GLOD4: variants seen among roughly 807,000 people sequenced by gnomAD.
GLOD4 encodes glyoxalase domain-containing protein 4.
In GLOD4, 44 loss-of-function variants were observed where a neutral mutation model predicts 39.1. The observed-to-expected ratio is 1.13, with a 90% CI of 0.88 to 1.45. The LOEUF (loss-of-function observed/expected upper bound fraction) is 1.45. Ranked by LOEUF, GLOD4 falls within the 40% of genes most tolerant of loss-of-function variation. GLOD4 has a pLI of 0.00. For missense variants in GLOD4, 405 were observed against 366.4 expected, an observed-to-expected ratio of 1.11 and a Z score of -0.86; for synonymous variants, 145 against 135.0, an observed-to-expected ratio of 1.07 and a Z score of -0.52.
At chr17:782,035 G>T in intron 1 of GLOD4, 131 bp downstream of exon 1, 2 of 642,072 alleles carry the variant, frequency 3.1e-6, no homozygotes, top group Non-Finnish European at 2.7e-6. Context: ...GCTGAACACC[G>T]CGCAGGGCCT....
Position 769,843 on chromosome 17 carries a change from G to C in GLOD4, c.831+26C>G, listed in dbSNP as rs143261573. 4,714 of 1,291,000 alleles carry C rather than the reference G, an allele frequency of 3.7e-3. 19 individuals carry two copies. Among genetic ancestry groups the C allele is most frequent in the Middle Eastern group, 0.021 (117 of 5,484 alleles). The allele number at this position is 1,291,000 out of a possible 1,614,324, so 80.0% of individuals were successfully genotyped here. A position where few individuals can be genotyped will look rare whatever the true frequency, so the allele number is the denominator to read the frequency against. ...ATGCCATCCCTCTCAGGCCCATGGT[G>C]ACATAAATGTAGAAATGGGACTCAC... On this transcript the variant is annotated intron_variant, in intron 8 of 8. Coordinates refer to ENST00000301329, the MANE Select transcript of GLOD4 (RefSeq NM_016080.4).
chr17:779,220 C>A (rs1267875115), intron 1 of GLOD4, among the ~76,000 whole-genome samples: 2 of 142,654 alleles, frequency 1.4e-5, no homozygotes, highest in African/African-American at 5.3e-5. Context: ...GAGGTTGAGG[C>A]AGGAGAATCA....
At chr17:767,754 T>G (rs1906916721) in intron 8 of GLOD4, among the ~76,000 whole-genome samples, 1 of 147,728 alleles carries the variant, frequency 6.8e-6, no homozygotes, top group South Asian at 2.2e-4. Context: ...GCACTCAGAT[T>G]TTTAGAAGAA....
chr17:763,793 G>A (rs886259679), intron 8 of GLOD4: 2 of 152,154 alleles, frequency 1.3e-5, no homozygotes, highest in East Asian at 3.8e-4. Flanking sequence ...AGGTTTCCTA[G>A]GTGAAGAGGT....
At chr17:778,588 G>A (rs201897292) in intron 2 of GLOD4, 107 bp downstream of exon 2, 1 of 777,610 alleles carries the variant, frequency 1.3e-6, no homozygotes, top group Non-Finnish European at 2.3e-6. Context: ...CTAATTTACT[G>A]CCTCCTTAAT....
chr17:777,439 C>T (rs924403654), intron 2 of GLOD4: 6 of 160,326 alleles, frequency 3.7e-5, no homozygotes, highest in Admixed American at 2.4e-4. Flanking sequence ...GTCAGGAGTT[C>T]GAGACCAGCC....
At chr17:764,012 T>A (rs562165687) in intron 8 of GLOD4, 1 of 152,362 alleles carries the variant, frequency 6.6e-6, no homozygotes, top group East Asian at 1.9e-4. Context: ...TCTGTCGTAC[T>A]CTCTTCGGTT....
In GLOD4 at chr17:760,153, G is replaced by T. The variant is rs773581521; in HGVS notation, c.*20C>A. The T allele has an allele frequency of 1.4e-6, 2 of 1,476,936 alleles. No individual in the cohort carries two copies. Among genetic ancestry groups the T allele is most frequent in the Non-Finnish European group, 9.5e-7 (1 of 1,054,810 alleles). The allele number at this position is 1,476,936 out of a possible 1,614,324, so 91.5% of individuals were successfully genotyped here. A position where few individuals can be genotyped will look rare whatever the true frequency, so the allele number is the denominator to read the frequency against. On this transcript the variant is annotated 3_prime_UTR_variant, in exon 9 of 9. Coordinates refer to ENST00000301329, the MANE Select transcript of GLOD4 (RefSeq NM_016080.4). ...TGCTGGGCAGGAATCACAGAGGCTT[G>T]CTCTGCATCATGTCTTCCGTTAACC...
At chr17:766,059 G>C (rs1906478643) in intron 8 of GLOD4, among the ~76,000 whole-genome samples, 1 of 152,054 alleles carries the variant, frequency 6.6e-6, no homozygotes, top group Admixed American at 6.6e-5. Context: ...CACTTTGGGA[G>C]GCCAAGATGG....
At chr17:781,546 T>C (rs1355086177) in intron 1 of GLOD4, among the ~76,000 whole-genome samples, 1 of 152,188 alleles carries the variant, frequency 6.6e-6, no homozygotes, top group Non-Finnish European at 1.5e-5. Flanking sequence ...TCTTGCACCT[T>C]TCAAGTCTTC....
intron 1 of GLOD4, among the ~76,000 whole-genome samples, chr17:779,446 A>G (rs1597588943): frequency 6.6e-6 from 1 of 150,964 alleles, no homozygotes; most frequent in Middle Eastern, 3.4e-3. Context: ...CCTAGCCAAC[A>G]CAGTGAAACC....
chr17:776,633 C>T (rs1909013898), intron 3 of GLOD4, among the ~76,000 whole-genome samples: 1 of 152,232 alleles, frequency 6.6e-6, no homozygotes, highest in South Asian at 2.1e-4. Flanking sequence ...TCCAGCCACA[C>T]TGGCTTCCTT....
chr17:760,087 G>T lies in GLOD4; in HGVS notation c.*86C>A. 1.2e-6 allele frequency: 1 copy of T among 805,534 alleles called. No individual in the cohort carries two copies. Among genetic ancestry groups the T allele is most frequent in the South Asian group, 1.4e-5 (1 of 72,430 alleles). The allele number at this position is 805,534 out of a possible 1,614,324, so 49.9% of individuals were successfully genotyped here. A position where few individuals can be genotyped will look rare whatever the true frequency, so the allele number is the denominator to read the frequency against. ...CCTTGCCTGTACGGGAAACAAATCA[G>T]AAGAGCATTTATTGGGAACTGACAC... On this transcript the variant is annotated 3_prime_UTR_variant, in exon 9 of 9. Transcript: ENST00000301329.
chr17:770,206 G>A (rs1161778704), intron 6 of GLOD4, 49 bp from the exon 7 acceptor site: 4 of 996,322 alleles, frequency 4.0e-6, no homozygotes, highest in Admixed American at 1.8e-5. Context: ...CACTACTCAG[G>A]ACACGGCCCT....
chr17:785,654 C>T (rs780302000), upstream of GLOD4, among the ~76,000 whole-genome samples: 3 of 152,150 alleles, frequency 2.0e-5, no homozygotes, highest in Non-Finnish European at 2.9e-5. Flanking sequence ...ACCTACAGCC[C>T]CTTCGTTTTG....
At chr17:772,865 G>A (rs1057130929) in intron 4 of GLOD4, among the ~76,000 whole-genome samples, 54 of 151,966 alleles carry the variant, frequency 3.6e-4, no homozygotes, top group Non-Finnish European at 6.6e-4. Context: ...CGTGCTGGCG[G>A]GCGCCTGTGG....
chr17:771,948 G>A (rs931000628), intron 4 of GLOD4, among the ~76,000 whole-genome samples: 1 of 150,568 alleles, frequency 6.6e-6, no homozygotes, highest in East Asian at 2.0e-4. Flanking sequence ...GGGAGGCGGA[G>A]GTTGCAGTGA....
At chr17:768,312 G>T (rs1157628192) in intron 8 of GLOD4, among the ~76,000 whole-genome samples, 1 of 149,860 alleles carries the variant, frequency 6.7e-6, no homozygotes, top group Non-Finnish European at 1.5e-5. Context: ...ATTTTTAGAA[G>T]AAGAAATCTG....
At chr17:771,580 G>A (rs2144379948) in intron 4 of GLOD4, 119 bp from the exon 5 acceptor site, 1 of 595,698 alleles carries the variant, frequency 1.7e-6, no homozygotes, top group Non-Finnish European at 2.8e-6. Flanking sequence ...TTTTAAGCCA[G>A]TATGAAGCTG....
Sources: gnomAD v4.1 joint callset for allele counts (sites outside exome capture counted in the v4.1 genomes callset) on GRCh38, gnomAD v4.1.1 for gene constraint, MANE v1.5 for transcripts, NCBI Gene and HGNC (gene_info 2026-07-23, HGNC 2026-07-21) for gene names.